Variants in KIAA1210 observed in about 807,000 individuals in gnomAD.
KIAA1210 encodes KIAA1210, also known as acrosomal protein KIAA1210.
In KIAA1210, 48 loss-of-function variants were observed where a neutral mutation model predicts 78.9. The ratio of observed to expected loss-of-function variants is 0.61; its 90% CI spans 0.48 to 0.77. The LOEUF (loss-of-function observed/expected upper bound fraction) is 0.77. Among genes scored for constraint, KIAA1210 ranks in the 30% least tolerant of loss-of-function variants. The pLI, the probability that KIAA1210 is intolerant of heterozygous loss-of-function variation, is 0.00. For missense variants in KIAA1210, 1,108 were observed against 1,100.0 expected, an observed-to-expected ratio of 1.01 and a Z score of -0.10; for synonymous variants, 406 against 404.5, an observed-to-expected ratio of 1.00 and a Z score of -0.04.
rs1199884342 is a variant in KIAA1210, at chrX:119,109,194, C to T, written c.239G>A (p.Ser80Asn). Residue 80 changes from serine to asparagine, a missense_variant, in exon 4 of 12, where the codon AGC becomes AAC. Ser to Asn is a conservative substitution (Grantham distance 46, BLOSUM62 1). This residue lies in a region of KIAA1210 where 672 missense variants were observed against 607.1 expected (regional missense o/e 1.11). Transcript: ENST00000691062. The part of the protein sequence containing the change: ...ENQPTKARAK[S>N]SMGSKALSHD... ...GGATAGGGCTTTGCTCCCCATGCTG[C>T]TCTTGGCCCTGGACAGAAAGGAAAG... 8.3e-7 allele frequency: 1 copy of T among 1,200,052 alleles called. No individual in the cohort carries two copies. Among genetic ancestry groups the T allele is most frequent in the Non-Finnish European group, 1.1e-6 (1 of 889,133 alleles).
chrX:119,105,528 G>A (rs1412343543), intron 5 of KIAA1210, among the ~76,000 whole-genome samples: 1 of 112,294 alleles, frequency 8.9e-6, no homozygotes, highest in African/African-American at 3.2e-5. Context: ...GACTTTGGAA[G>A]TCCAGTTCTC....
At chrX:119,116,814 T>C (rs1928283317) in intron 2 of KIAA1210, 150 bp from the exon 3 acceptor site, 3 of 464,402 alleles carry the variant, frequency 6.5e-6, no homozygotes, top group South Asian at 7.4e-5. Flanking sequence ...ACAGCACCCT[T>C]CAACATTCAT....
At chrX:119,125,735 A>ATTTTTTTTTT (rs1163974116) in intron 1 of KIAA1210, among the ~76,000 whole-genome samples, 1 of 15,792 alleles carries the variant, frequency 6.3e-5, no homozygotes, top group African/African-American at 2.6e-4. Context: ...ATATATATAT[A>ATTTTTTTTTT]TTTTTTTTTT....
rs751801859 is a variant in KIAA1210, at chrX:119,092,092, ATAAAAACATTTTTT to A, written c.955+1561_955+1574del. 1.7e-4 allele frequency among the ~76,000 whole-genome samples: 19 copies of A among 112,504 alleles called. No homozygotes were observed. The East Asian group carries it at 5.3e-3, about 31-fold the overall frequency. ...CACTTGTACCCCTAAAGCTATTGAA[ATAAAAACATTTTTT>A]TAAACCGATCATATGTAATACACAT... On this transcript the variant is annotated intron_variant, in intron 8 of 11. Coordinates refer to ENST00000691062, the MANE Select transcript of KIAA1210 (RefSeq NM_001394962.1).
At chrX:119,140,406 G>A (rs1929021464) in intron 2 of KIAA1210, among the ~76,000 whole-genome samples, 1 of 109,070 alleles carries the variant, frequency 9.2e-6, no homozygotes, top group Middle Eastern at 4.3e-3. Context: ...GCATGCGGCT[G>A]TAATCCCAGC....
chrX:119,143,037 T>C (rs1255447993), intron 2 of KIAA1210, among the ~76,000 whole-genome samples: 1 of 111,860 alleles, frequency 8.9e-6, no homozygotes, highest in Non-Finnish European at 1.9e-5. Flanking sequence ...GCTCTTGGCA[T>C]GAGGCATAAC....
At chrX:119,098,982 G>T (rs1393295034) in intron 6 of KIAA1210, among the ~76,000 whole-genome samples, 1 of 111,845 alleles carries the variant, frequency 8.9e-6, no homozygotes, top group Non-Finnish European at 1.9e-5. Context: ...TGTCATCAGA[G>T]CAAGCTCCTC....
intron 6 of KIAA1210, among the ~76,000 whole-genome samples, chrX:119,104,396 A>G (rs191375500): frequency 2.0e-4 from 23 of 112,344 alleles, no homozygotes; most frequent in Admixed American, 2.0e-3. Flanking sequence ...TCTTCCCTAT[A>G]AATTAGGTTT....
chrX:119,117,133 C>CT (rs1261551645), intron 2 of KIAA1210, among the ~76,000 whole-genome samples: 1 of 112,269 alleles, frequency 8.9e-6, no homozygotes, highest in Non-Finnish European at 1.9e-5. Flanking sequence ...CACTTCAGAA[C>CT]CCTTAGAAAT....
At chrX:119,135,649 T>G (rs1253313256) in intron 2 of KIAA1210, among the ~76,000 whole-genome samples, 1 of 112,186 alleles carries the variant, frequency 8.9e-6, no homozygotes, top group East Asian at 2.8e-4. Context: ...TGTCTAAGGC[T>G]TTTGATCTTG....
chrX:119,135,265 T>C (rs1407075567), intron 2 of KIAA1210, among the ~76,000 whole-genome samples: 1 of 112,271 alleles, frequency 8.9e-6, no homozygotes, highest in Non-Finnish European at 1.9e-5. Context: ...TCTTCCTTAC[T>C]GGTCTATTAC....
chrX:119,091,381 T>C (rs1927363114), intron 8 of KIAA1210, among the ~76,000 whole-genome samples: 1 of 112,143 alleles, frequency 8.9e-6, no homozygotes, highest in African/African-American at 3.2e-5. Flanking sequence ...ACTGAGTATC[T>C]ACCCAAAGGA....
intron 2 of KIAA1210, among the ~76,000 whole-genome samples, chrX:119,146,395 T>C (rs1929168410): frequency 1.8e-5 from 2 of 111,859 alleles, no homozygotes; most frequent in South Asian, 3.7e-4. Flanking sequence ...CCTGATGAAA[T>C]AATATACTTT....
intron 2 of KIAA1210, among the ~76,000 whole-genome samples, chrX:119,134,518 C>A (rs141526696): frequency 0.026 from 2,956 of 112,014 alleles, 98 homozygotes; most frequent in African/African-American, 0.091. Context: ...GAGAGAAGAT[C>A]ATCTTTCTAC....
At chrX:119,105,945 A>G (rs1341126397) in intron 5 of KIAA1210, among the ~76,000 whole-genome samples, 2 of 111,953 alleles carry the variant, frequency 1.8e-5, no homozygotes, top group African/African-American at 6.5e-5. Flanking sequence ...ACCCCATTCC[A>G]GGAAATGGGC....
In KIAA1210 at chrX:119,087,382, C is replaced by T; in HGVS notation, c.3320G>A (p.Gly1107Glu). Residue 1107 changes from glycine to glutamate, a missense_variant, in exon 9 of 12, where the codon GGG becomes GAG. Gly to Glu is a moderately conservative substitution (Grantham distance 98). Coordinates refer to ENST00000691062, the MANE Select transcript of KIAA1210 (RefSeq NM_001394962.1). Reference sequence around the variant, plus strand: ...CTGCTCTTTAAAACTGCTGCACTTCCCAGGAGCTCTCTCTGAATAAGAGAA... The same window carrying T: ...CTGCTCTTTAAAACTGCTGCACTTCTCAGGAGCTCTCTCTGAATAAGAGAA... Reference protein sequence around the residue: ...KVFSYSERAPGKCSSFKEQLS... With the variant: ...KVFSYSERAPEKCSSFKEQLS... 2.5e-6 allele frequency: 3 copies of T among 1,211,449 alleles called. No individual in the cohort carries two copies. The highest frequency in any genetic ancestry group is 3.4e-6 in the Non-Finnish European group (3 of 895,285).
At chrX:119,094,194 C>G (rs1231112915) in intron 7 of KIAA1210, 1 of 488,504 alleles carries the variant, frequency 2.0e-6, no homozygotes, top group Non-Finnish European at 3.5e-6. Context: ...AATTCAAATC[C>G]TTTTTGGCTT....
intron 8 of KIAA1210, among the ~76,000 whole-genome samples, chrX:119,092,532 T>C (rs766469422): frequency 4.0e-4 from 44 of 111,355 alleles, no homozygotes; most frequent in Middle Eastern, 4.6e-3. Context: ...GAGGCCAAGG[T>C]GGGCAGATCA....
intron 2 of KIAA1210, among the ~76,000 whole-genome samples, chrX:119,146,422 A>G (rs1196981860): frequency 8.9e-6 from 1 of 112,067 alleles, no homozygotes; most frequent in Non-Finnish European, 1.9e-5. Context: ...TTGTTCATAT[A>G]TTCCCAAGGA....
Sources: gnomAD v4.1 joint callset for allele counts (sites outside exome capture counted in the v4.1 genomes callset) on GRCh38, gnomAD v4.1.1 for gene constraint, gnomAD v4.1.1 regional missense constraint, MANE v1.5 for transcripts, NCBI Gene and HGNC (gene_info 2026-07-23, HGNC 2026-07-21) for gene names.